Variants in GRB10 observed in about 807,000 individuals in gnomAD.
GRB10 encodes the protein growth factor receptor bound protein 10.
Under a neutral mutation model 80.9 loss-of-function variants are expected in GRB10, and 20 were observed. The observed-to-expected ratio is 0.25, with a 90% CI of 0.17 to 0.36. The LOEUF is 0.36. GRB10 is among the 10% of genes least tolerant of loss of function. The probability of loss-of-function intolerance (pLI) is 1.00; values close to 1 mark genes in which losing one functional copy is unlikely to be tolerated. For missense variants in GRB10, 548 were observed against 747.7 expected (o/e 0.73, Z 3.12); for synonymous variants, 291 against 291.5 (o/e 1.00, Z 0.02).
At chr7:50,628,249 G>A (rs1459485164) in intron 7 of GRB10, among the ~76,000 whole-genome samples, 2 of 152,338 alleles carry the variant, frequency 1.3e-5, no homozygotes, top group South Asian at 2.1e-4. Context: ...ATGTGTCAGT[G>A]GCAGCTTTGG....
At position 50,604,513 on chromosome 7, in the gene GRB10, C is replaced by T. The variant is rs996241180; in HGVS notation, c.1390-136G>A. The T allele has an allele frequency of 7.9e-6, 6 of 761,126 alleles. No individual in the cohort carries two copies. The African/African-American group carries it at 1.0e-4, about 13-fold the overall frequency. 47.1% of individuals were successfully genotyped at this position (761,126 alleles called of 1,614,324 possible). On this transcript the variant is annotated intron_variant, in intron 15 of 18. Transcript: ENST00000401949. The stretch of plus-strand genomic sequence containing the variant: ...CAAGGGACCTTGCCCCATCTGAAGA[C>T]CCCACTGACCCCTGAGAACAAAGAG...
At chr7:50,633,111 G>A (rs1031274672) in intron 7 of GRB10, among the ~76,000 whole-genome samples, 3 of 152,156 alleles carry the variant, frequency 2.0e-5, no homozygotes, top group African/African-American at 4.8e-5. Context: ...TGGCCTGTAG[G>A]GTGAACTGCA....
intron 8 of GRB10, among the ~76,000 whole-genome samples, chr7:50,625,124 T>C (rs991189270): frequency 7.2e-5 from 11 of 152,196 alleles, no homozygotes; most frequent in South Asian, 6.2e-4. Flanking sequence ...TACCATATGA[T>C]AGTCTAGAAA....
chr7:50,592,852 C>T lies in GRB10; in HGVS notation c.*100G>A. ...GAACAAACCCATCTCGCTCTGGGTC[C>T]CCAGGTGCAGAATCGATGTGTGTTC... On this transcript the variant is annotated 3_prime_UTR_variant, in exon 19 of 19. Coordinates refer to ENST00000401949, the MANE Select transcript of GRB10 (RefSeq NM_001350814.2). The T allele has an allele frequency of 2.2e-6, 3 of 1,361,792 alleles. No homozygotes were observed. Among genetic ancestry groups the T allele is most frequent in the Admixed American group, 1.7e-5 (1 of 59,610 alleles). 84.4% of individuals were successfully genotyped at this position (1,361,792 alleles called of 1,614,324 possible). A position where few individuals can be genotyped will look rare whatever the true frequency, so the allele number is the denominator to read the frequency against.
At chr7:50,767,965 T>C (rs2076536714) in intron 2 of GRB10, among the ~76,000 whole-genome samples, 1 of 152,180 alleles carries the variant, frequency 6.6e-6, no homozygotes, top group East Asian at 1.9e-4. Context: ...TGGTTCCTTC[T>C]CTGTGCAGAG....
intron 5 of GRB10, among the ~76,000 whole-genome samples, chr7:50,687,763 A>G (rs1407042318): frequency 6.6e-6 from 1 of 151,920 alleles, no homozygotes; most frequent in African/African-American, 2.4e-5. Context: ...AGAGACCACA[A>G]TGGAATATGA....
chr7:50,617,459 C>T (rs1460320571), intron 10 of GRB10, among the ~76,000 whole-genome samples: 1 of 152,172 alleles, frequency 6.6e-6, no homozygotes, highest in Non-Finnish European at 1.5e-5. Flanking sequence ...ATTCCCCACT[C>T]CCAGCTTCCC....
intron 7 of GRB10, chr7:50,645,614 G>T (rs1212218177): frequency 3.2e-5 from 32 of 985,134 alleles, no homozygotes; most frequent in African/African-American, 3.5e-5. Context: ...TCCTCCAATC[G>T]CCCGGAGTTC....
chr7:50,731,779 G>C (rs2069777784), intron 4 of GRB10, among the ~76,000 whole-genome samples: 1 of 152,228 alleles, frequency 6.6e-6, no homozygotes. Context: ...AAAGGAAAGA[G>C]CCAATCTGTG....
intron 1 of GRB10, among the ~76,000 whole-genome samples, chr7:50,788,407 C>T (rs899912645): frequency 2.6e-5 from 4 of 152,138 alleles, no homozygotes; most frequent in Non-Finnish European, 5.9e-5. Context: ...TCAGCTATCC[C>T]TCATGGTCCT....
rs11405172 is a variant in GRB10, at chr7:50,749,134, G to GTTTTTTTTTTTTTTTTTTTTT, written c.-47+6752_-47+6753insAAAAAAAAAAAAAAAAAAAAA. ...TTTGTTTTGTTTTGTTTTTTTGTTT[G>GTTTTTTTTTTTTTTTTTTTTT]TTTTTTTTTTTTGAGATGGAGTCTC... On this transcript the variant is annotated intron_variant, in intron 3 of 18. Transcript: ENST00000401949. 3.0e-4 allele frequency among the ~76,000 whole-genome samples: 41 copies of GTTTTTTTTTTTTTTTTTTTTT among 137,900 alleles called. 1 individual carries two copies. The highest frequency in any genetic ancestry group is 4.5e-4 in the Non-Finnish European group (29 of 64,716). 90.5% of individuals were successfully genotyped at this position (137,900 alleles called of 152,430 possible).
At chr7:50,722,302 A>C (rs1444843017) in intron 4 of GRB10, among the ~76,000 whole-genome samples, 3 of 152,176 alleles carry the variant, frequency 2.0e-5, no homozygotes, top group Non-Finnish European at 4.4e-5. Flanking sequence ...TCCAAGATCC[A>C]AAGCGGCTTC....
chr7:50,683,824 T>A (rs552522453), intron 5 of GRB10, among the ~76,000 whole-genome samples: 1 of 152,290 alleles, frequency 6.6e-6, no homozygotes, highest in East Asian at 1.9e-4. Context: ...TTAAAAATAA[T>A]AATTAAAAAA....
At chr7:50,717,540 A>C (rs2067055074) in intron 4 of GRB10, among the ~76,000 whole-genome samples, 1 of 152,278 alleles carries the variant, frequency 6.6e-6, no homozygotes, top group African/African-American at 2.4e-5. Context: ...GTGTGGAAAC[A>C]CAAGTAATAC....
chr7:50,679,310 A>C (rs1409775283), intron 5 of GRB10, among the ~76,000 whole-genome samples: 4 of 152,216 alleles, frequency 2.6e-5, no homozygotes, highest in African/African-American at 9.6e-5. Context: ...AATCATCACG[A>C]GTAAATGTCT....
intron 5 of GRB10, among the ~76,000 whole-genome samples, chr7:50,681,264 A>G (rs1235301013): frequency 2.6e-5 from 4 of 152,114 alleles, no homozygotes; most frequent in Non-Finnish European, 5.9e-5. Context: ...CAAGAAGGGG[A>G]GCCCCTCCAC....
chr7:50,602,086 T>C (rs1016402283), intron 17 of GRB10, among the ~76,000 whole-genome samples: 1 of 152,150 alleles, frequency 6.6e-6, no homozygotes, highest in Non-Finnish European at 1.5e-5. Context: ...CACCCCTTGT[T>C]TGCCTCTAGT....
chr7:50,662,147 CT>C (rs1295697563), intron 7 of GRB10, among the ~76,000 whole-genome samples: 2 of 152,182 alleles, frequency 1.3e-5, no homozygotes, highest in Non-Finnish European at 2.9e-5. Context: ...GCCCAGGTGC[CT>C]TGACCTTCTC....
chr7:50,766,697 G>A (rs1398766170), intron 2 of GRB10, among the ~76,000 whole-genome samples: 2 of 152,128 alleles, frequency 1.3e-5, no homozygotes, highest in Admixed American at 1.3e-4. Context: ...TGCTTTGGAC[G>A]CTTTATCACC....
Sources: allele counts gnomAD v4.1 joint callset (sites outside exome capture counted in the v4.1 genomes callset), GRCh38; gene constraint gnomAD v4.1.1; transcripts MANE v1.5; gene names NCBI Gene and HGNC (gene_info 2026-07-23, HGNC 2026-07-21).